Variants in HIVEP1 observed in about 807,000 individuals in gnomAD.
HIVEP1 encodes zinc finger protein 40.
Under a neutral mutation model 180.0 loss-of-function variants are expected in HIVEP1, and 36 were observed. The observed-to-expected ratio is 0.20, with a 90% CI of 0.15 to 0.26. HIVEP1 has a LOEUF of 0.26. Ranked by LOEUF, HIVEP1 falls within the 10% of genes least tolerant of loss-of-function variation. HIVEP1 has a pLI of 1.00. For synonymous variants in HIVEP1, 1,239 were observed against 1,239.0 expected (o/e 1.00, Z 0.00); for missense variants, 3,143 against 3,268.7 (o/e 0.96, Z 0.94).
intron 2 of HIVEP1, among the ~76,000 whole-genome samples, chr6:12,028,160 T>C (rs1173309868): frequency 6.6e-6 from 1 of 152,224 alleles, no homozygotes; most frequent in Admixed American, 6.5e-5. Flanking sequence ...CATGTTTCCT[T>C]TCCCAGCGAC....
At chr6:12,026,511 C>A (rs938613584) in intron 2 of HIVEP1, among the ~76,000 whole-genome samples, 5 of 152,156 alleles carry the variant, frequency 3.3e-5, no homozygotes, top group African/African-American at 1.2e-4. Context: ...GTGGATTTCC[C>A]AGTGAACTTG....
intron 3 of HIVEP1, among the ~76,000 whole-genome samples, chr6:12,096,102 T>A (rs1773768339): frequency 6.6e-6 from 1 of 152,052 alleles, no homozygotes; most frequent in South Asian, 2.1e-4. Flanking sequence ...CCACTATCAT[T>A]ACCAGTAATT....
intron 3 of HIVEP1, among the ~76,000 whole-genome samples, chr6:12,119,052 T>C (rs961279565): frequency 6.6e-6 from 1 of 152,228 alleles, no homozygotes; most frequent in African/African-American, 2.4e-5. Context: ...CCAATCTAGG[T>C]CCATTTGTCT....
chr6:12,115,813 T>C (rs1206892206), intron 3 of HIVEP1, among the ~76,000 whole-genome samples: 1 of 151,858 alleles, frequency 6.6e-6, no homozygotes, highest in African/African-American at 2.4e-5. Context: ...GGGTGGTGAA[T>C]AGAAGCCAGT....
At chr6:12,099,204 C>G (rs1456042795) in intron 3 of HIVEP1, among the ~76,000 whole-genome samples, 1 of 134,802 alleles carries the variant, frequency 7.4e-6, no homozygotes, top group Non-Finnish European at 1.6e-5. Flanking sequence ...TTTTTTGAGA[C>G]GGAGTCTCGC....
intron 2 of HIVEP1, among the ~76,000 whole-genome samples, chr6:12,022,787 C>T (rs1768327392): frequency 6.6e-6 from 1 of 152,216 alleles, no homozygotes; most frequent in African/African-American, 2.4e-5. Flanking sequence ...TTAGGCTTCT[C>T]ATGTGCTCAA....
At chr6:12,116,139 T>C (rs1053409337) in intron 3 of HIVEP1, among the ~76,000 whole-genome samples, 1 of 152,050 alleles carries the variant, frequency 6.6e-6, no homozygotes, top group African/African-American at 2.4e-5. Context: ...GGTTTGATGA[T>C]TGTGCTCTTT....
At position 12,015,533 on chromosome 6, in the gene HIVEP1, A is replaced by T. The variant is rs1767684810; in HGVS notation, c.-96A>T. On this transcript the variant is annotated 5_prime_UTR_variant, in exon 2 of 9. Transcript: ENST00000379388. ...CGTTTTTTTCTTTTTCAGCACATGGATTAATTGATGTATGTTGAGTTTATG... is the reference window on the plus strand; with the variant it reads ...CGTTTTTTTCTTTTTCAGCACATGGTTTAATTGATGTATGTTGAGTTTATG... 1.0e-6 allele frequency: 1 copy of T among 953,848 alleles called. No individual in the cohort carries two copies. The highest frequency in any genetic ancestry group is 1.4e-5 in the South Asian group (1 of 71,932). The allele number at this position is 953,848 out of a possible 1,614,324, so 59.1% of individuals were successfully genotyped here.
At position 12,040,633 on chromosome 6, in the gene HIVEP1, A is replaced by G. The variant is rs114669120; in HGVS notation, c.40+24965A>G. Among the ~76,000 whole-genome samples the G allele has an allele frequency of 1.7e-3, 255 of 152,334 alleles. 2 individuals carry two copies. Among genetic ancestry groups the G allele is most frequent in the African/African-American group, 6.0e-3 (248 of 41,574 alleles). Reference sequence around the variant, plus strand: ...AATGCATATAACTTGTGTGATTTAAATTTTTGAAGATAAAACTCATGTCAT... The same window carrying G: ...AATGCATATAACTTGTGTGATTTAAGTTTTTGAAGATAAAACTCATGTCAT... On this transcript the variant is annotated intron_variant, in intron 2 of 8. Transcript: ENST00000379388.
intron 1 of HIVEP1, among the ~76,000 whole-genome samples, chr6:12,013,358 G>A (rs1767515839): frequency 6.6e-6 from 1 of 152,148 alleles, no homozygotes; most frequent in African/African-American, 2.4e-5. Context: ...GCTCCATGTA[G>A]TATTTATTTC....
At chr6:12,136,079 TC>T (rs528777953) in intron 7 of HIVEP1, among the ~76,000 whole-genome samples, 187 bp downstream of exon 7, 30 of 152,242 alleles carry the variant, frequency 2.0e-4, no homozygotes, top group African/African-American at 7.0e-4. Flanking sequence ...TATTCATCTA[TC>T]CCCCACGATG....
intron 2 of HIVEP1, among the ~76,000 whole-genome samples, chr6:12,080,484 TAA>T (rs775579022): frequency 7.2e-5 from 11 of 152,202 alleles, no homozygotes; most frequent in Admixed American, 1.3e-4. Context: ...TTAGATATGT[TAA>T]GAGACAAAAT....
At chr6:12,199,360 C>CTTCTT in the HIVEP1 span, among the ~76,000 whole-genome samples, 1 of 109,426 alleles carries the variant, frequency 9.1e-6, no homozygotes, top group Admixed American at 1.1e-4. Context: ...ACTGTCAATC[C>CTTCTT]TTTTTTTTTT....
intron 7 of HIVEP1, among the ~76,000 whole-genome samples, chr6:12,156,962 T>G (rs72828110): frequency 0.18 from 27,201 of 152,154 alleles, 2,933 homozygotes; most frequent in East Asian, 0.47. Context: ...GATTATGGAT[T>G]TATTTTTTTC....
chr6:12,186,296 T>C, the HIVEP1 span, among the ~76,000 whole-genome samples: 1 of 150,620 alleles, frequency 6.6e-6, no homozygotes, highest in East Asian at 1.9e-4. Flanking sequence ...AATAATAAAA[T>C]GTATTAAACT....
chr6:12,198,672 T>A, the HIVEP1 span, among the ~76,000 whole-genome samples: 8 of 152,068 alleles, frequency 5.3e-5, no homozygotes, highest in African/African-American at 1.7e-4. Context: ...GAGAGCACAG[T>A]ACATGTGAGA....
At position 12,089,235 on chromosome 6, in the gene HIVEP1, A is replaced by G; in HGVS notation, c.92A>G (p.Lys31Arg). The change falls in exon 3 of 9, where the codon AAA becomes AGA. Residue 31 changes from lysine (K) to arginine (R), a missense_variant and splice_region_variant. Transcript: ENST00000379388. ...KELNGAEVSK[K>R]EILQAGVKGT... ...CTTAATGGGGCAGAAGTTTCAAAAA[A>G]AGGTAAATTAAAATCAGCTTGAATG... 6.4e-7 allele frequency: 1 copy of G among 1,554,766 alleles called. No homozygotes were observed. The highest frequency in any genetic ancestry group is 8.9e-7 in the Non-Finnish European group (1 of 1,129,772).
At chr6:12,015,720 A>C (rs774458299) in intron 2 of HIVEP1, 52 bp downstream of exon 2, 1 of 1,530,810 alleles carries the variant, frequency 6.5e-7, no homozygotes, top group South Asian at 1.1e-5. Flanking sequence ...CTTTTAACAA[A>C]GTATCTCTTT....
At chr6:12,150,209 T>G in intron 7 of HIVEP1, among the ~76,000 whole-genome samples, 1 of 152,354 alleles carries the variant, frequency 6.6e-6, no homozygotes, top group Non-Finnish European at 1.5e-5. Flanking sequence ...TCGGGAATTT[T>G]GTTCTCCTGT....
Sources: allele counts gnomAD v4.1 joint callset (sites outside exome capture counted in the v4.1 genomes callset), GRCh38; gene constraint gnomAD v4.1.1; transcripts MANE v1.5; gene names NCBI Gene and HGNC (gene_info 2026-07-23, HGNC 2026-07-21).